The following PCDH9 variants were observed in gnomAD, a reference collection of about 807,000 sequenced individuals.
The protein encoded by PCDH9 is protocadherin-9.
Under a neutral mutation model 70.6 loss-of-function variants are expected in PCDH9, and 24 were observed. The observed-to-expected ratio is 0.34, with a 90% confidence interval of 0.25 to 0.48. The LOEUF (loss-of-function observed/expected upper bound fraction) is 0.48, where lower values mean the gene tolerates loss of function less well. Ranked by LOEUF, PCDH9 falls within the 20% of genes least tolerant of loss-of-function variation. The pLI is 0.99. For synonymous variants in PCDH9, 562 were observed against 558.5 expected (o/e 1.01, Z -0.09); for missense variants, 1,281 against 1,503.6 (o/e 0.85, Z 2.45).
At chr13:67,155,614 G>T (rs1231513993) in intron 2 of PCDH9, among the ~76,000 whole-genome samples, 1 of 151,992 alleles carries the variant, frequency 6.6e-6, no homozygotes, top group Admixed American at 6.6e-5. Flanking sequence ...AGTCTCAGGG[G>T]CATCCTCCTT....
chr13:67,054,765 A>T (rs1472679181), intron 2 of PCDH9, among the ~76,000 whole-genome samples: 1 of 152,200 alleles, frequency 6.6e-6, no homozygotes, highest in Non-Finnish European at 1.5e-5. Context: ...AGAGTTAAAC[A>T]GAAATAACAG....
At chr13:66,984,821 T>C (rs2139782425) in intron 2 of PCDH9, among the ~76,000 whole-genome samples, 1 of 152,260 alleles carries the variant, frequency 6.6e-6, no homozygotes, top group South Asian at 2.1e-4. Context: ...GTGTATATTT[T>C]CTTTCTGTTT....
At chr13:66,544,533 T>G (rs955676877) in intron 4 of PCDH9, among the ~76,000 whole-genome samples, 1 of 152,192 alleles carries the variant, frequency 6.6e-6, no homozygotes. Flanking sequence ...GAATCTTTTA[T>G]TGAATGATAT....
chr13:66,471,425 GA>G (rs1958617207), intron 4 of PCDH9, among the ~76,000 whole-genome samples: 1 of 152,166 alleles, frequency 6.6e-6, no homozygotes, highest in Non-Finnish European at 1.5e-5. Flanking sequence ...AAAGGAATCT[GA>G]AAAAATAAAA....
chr13:66,946,541 TG>T (rs1248225033), intron 2 of PCDH9, among the ~76,000 whole-genome samples: 5 of 152,028 alleles, frequency 3.3e-5, no homozygotes, highest in Non-Finnish European at 7.4e-5. Context: ...TATACAAAAA[TG>T]GTACATACTA....
At position 66,432,969 on chromosome 13, in the gene PCDH9, G is replaced by C. The variant is rs569652214; in HGVS notation, c.3341-127941C>G. ...ATGCCCTAAGGAATATATTTAATTTGCTATGAGGAAGTAAATTCTAAATTG... is the reference window on the plus strand; with the variant it reads ...ATGCCCTAAGGAATATATTTAATTTCCTATGAGGAAGTAAATTCTAAATTG... On this transcript the variant is annotated intron_variant, in intron 4 of 4. Transcript: ENST00000377865. 5.9e-5 allele frequency among the ~76,000 whole-genome samples: 9 copies of C among 151,946 alleles called. No individual in the cohort carries two copies. The South Asian group carries it at 1.9e-3, about 31-fold the overall frequency.
chr13:67,201,019 A>C (rs2089198013), intron 2 of PCDH9: 2 of 152,134 alleles, frequency 1.3e-5, no homozygotes, highest in South Asian at 4.1e-4. Context: ...ACACTGTACA[A>C]AACAATTTCT....
intron 4 of PCDH9, among the ~76,000 whole-genome samples, chr13:66,333,524 C>T (rs1955978935): frequency 6.6e-6 from 1 of 152,128 alleles, no homozygotes; most frequent in Non-Finnish European, 1.5e-5. Context: ...ATAAAAATTA[C>T]TTTAGATAGA....
chr13:66,376,431 C>CT (rs1956747927), intron 4 of PCDH9, among the ~76,000 whole-genome samples: 1 of 151,988 alleles, frequency 6.6e-6, no homozygotes, highest in African/African-American at 2.4e-5. Flanking sequence ...TTAATATGAT[C>CT]TTTTTTTGCA....
chr13:67,051,756 C>G (rs914845594), intron 2 of PCDH9, among the ~76,000 whole-genome samples: 3 of 151,934 alleles, frequency 2.0e-5, no homozygotes, highest in Non-Finnish European at 4.4e-5. Context: ...CAAGCAGAAA[C>G]CATCCTGACT....
chr13:66,955,359 A>C (rs1407493731), intron 2 of PCDH9, among the ~76,000 whole-genome samples: 1 of 152,222 alleles, frequency 6.6e-6, no homozygotes, highest in Non-Finnish European at 1.5e-5. Context: ...TATGAAAATA[A>C]ATAAAATGAG....
At chr13:66,610,700 C>G (rs1162916645) in intron 4 of PCDH9, among the ~76,000 whole-genome samples, 2 of 152,144 alleles carry the variant, frequency 1.3e-5, no homozygotes, top group Non-Finnish European at 2.9e-5. Context: ...ATTTCTTAAG[C>G]AGCTTAAATC....
chr13:67,212,463 G>A (rs781383707), intron 2 of PCDH9: 2 of 151,818 alleles, frequency 1.3e-5, no homozygotes, highest in East Asian at 3.9e-4. Context: ...ATTTCCTATT[G>A]TCTAATGCTG....
intron 3 of PCDH9, among the ~76,000 whole-genome samples, chr13:66,844,834 C>T (rs7983331): frequency 0.96 from 146,489 of 152,226 alleles, 70,739 homozygotes; most frequent in East Asian, 1. Flanking sequence ...TTAGGTAGCA[C>T]GTTCATACTC....
intron 3 of PCDH9, among the ~76,000 whole-genome samples, chr13:66,792,024 T>C (rs1292264609): frequency 6.6e-6 from 1 of 152,208 alleles, no homozygotes; most frequent in African/African-American, 2.4e-5. Flanking sequence ...TTAGAATGCT[T>C]ACTTTGCTCC....
At chr13:66,470,513 A>G (rs1438052345) in intron 4 of PCDH9, among the ~76,000 whole-genome samples, 3 of 152,084 alleles carry the variant, frequency 2.0e-5, no homozygotes, top group African/African-American at 7.2e-5. Context: ...GCTGAAGAGT[A>G]TTGGTGACTT....
intron 2 of PCDH9, among the ~76,000 whole-genome samples, chr13:66,992,644 A>G (rs1393685556): frequency 6.6e-6 from 1 of 152,150 alleles, no homozygotes; most frequent in African/African-American, 2.4e-5. Context: ...ATATATTTAT[A>G]TATATAGGCT....
At chr13:66,745,095 A>T (rs2079338653) in intron 3 of PCDH9, among the ~76,000 whole-genome samples, 1 of 152,170 alleles carries the variant, frequency 6.6e-6, no homozygotes, top group Non-Finnish European at 1.5e-5. Flanking sequence ...AAAAACAGAA[A>T]TAATAGCACC....
At chr13:66,449,944 AT>A (rs766636944) in intron 4 of PCDH9, among the ~76,000 whole-genome samples, 13 of 152,206 alleles carry the variant, frequency 8.5e-5, no homozygotes, top group Non-Finnish European at 1.5e-4. Flanking sequence ...TTTATCAATT[AT>A]ACTTCATGAG....
Sources: allele counts gnomAD v4.1 joint callset (sites outside exome capture counted in the v4.1 genomes callset), GRCh38; gene constraint gnomAD v4.1.1; transcripts MANE v1.5; gene names NCBI Gene and HGNC (gene_info 2026-07-23, HGNC 2026-07-21).